Variants in SEC24A observed in about 807,000 individuals in gnomAD.
The protein encoded by SEC24A is SEC24 homolog A, COPII component.
Under a neutral mutation model 129.4 loss-of-function variants are expected in SEC24A, and 93 were observed. That is an observed-to-expected ratio of 0.72 (90% CI 0.61 to 0.85). The LOEUF is 0.85. SEC24A is among the 40% of genes least tolerant of loss of function. The pLI, the probability that SEC24A is intolerant of heterozygous loss-of-function variation, is 0.00. For synonymous variants in SEC24A, 460 were observed against 467.3 expected, an observed-to-expected ratio of 0.98 and a Z score of 0.20; for missense variants, 1,264 against 1,307.4, an observed-to-expected ratio of 0.97 and a Z score of 0.51.
rs1404842267 is a variant in SEC24A, at chr5:134,724,966, C to T, written c.3168-14C>T. 2 of 1,478,042 alleles carry T rather than the reference C, an allele frequency of 1.4e-6. No homozygotes were observed. Among genetic ancestry groups the T allele is most frequent in the African/African-American group, 1.4e-5 (1 of 71,938 alleles). 91.6% of individuals were successfully genotyped at this position (1,478,042 alleles called of 1,614,324 possible). ...CTACATTTTATCTAAATTTTTTTGC[C>T]TTTTATTCCTAAGGGATGAGAGTCC... On this transcript the variant is annotated splice_polypyrimidine_tract_variant and intron_variant, in intron 22 of 22. Transcript: ENST00000398844.
intron 1 of SEC24A, among the ~76,000 whole-genome samples, chr5:134,655,283 A>G (rs1244209654): frequency 6.6e-6 from 1 of 152,092 alleles, no homozygotes; most frequent in Non-Finnish European, 1.5e-5. Context: ...GGTGGGAAGC[A>G]CTCATCTGCA....
chr5:134,715,706 CAG>C (rs1278694373), intron 19 of SEC24A: 1 of 153,160 alleles, frequency 6.5e-6, no homozygotes, highest in African/African-American at 2.4e-5. Context: ...GACAAGGAGA[CAG>C]AGATCATTAG....
intron 7 of SEC24A, among the ~76,000 whole-genome samples, chr5:134,678,465 C>CT (rs918671352): frequency 2.5e-4 from 38 of 149,764 alleles, no homozygotes; most frequent in African/African-American, 7.1e-4. Context: ...TTTAAAAACT[C>CT]TTTTTTTTTG....
chr5:134,719,727 T>C (rs539322482), intron 20 of SEC24A, among the ~76,000 whole-genome samples: 1 of 151,960 alleles, frequency 6.6e-6, no homozygotes, highest in East Asian at 1.9e-4. Context: ...AGCCCACACC[T>C]GTAATCCCAG....
intron 1 of SEC24A, among the ~76,000 whole-genome samples, chr5:134,657,392 G>A (rs1011503358): frequency 1.3e-5 from 2 of 151,456 alleles, no homozygotes; most frequent in African/African-American, 4.9e-5. Context: ...GAATAAACAC[G>A]GCCATCCACC....
At chr5:134,701,183 A>G (rs570073106) in intron 15 of SEC24A, 4 of 152,338 alleles carry the variant, frequency 2.6e-5, no homozygotes, top group Admixed American at 2.0e-4. Flanking sequence ...AAAATATGGA[A>G]CACTTCACGA....
chr5:134,691,300 T>C (rs1751642151), intron 11 of SEC24A, among the ~76,000 whole-genome samples: 1 of 149,694 alleles, frequency 6.7e-6, no homozygotes, highest in Non-Finnish European at 1.5e-5. Flanking sequence ...GCCTCCCGAG[T>C]AGTTGGGCTT....
chr5:134,673,009 C>G (rs1750923902), intron 4 of SEC24A, among the ~76,000 whole-genome samples: 1 of 149,698 alleles, frequency 6.7e-6, no homozygotes, highest in Non-Finnish European at 1.5e-5. Context: ...CCCCGATTTG[C>G]TGGGATTACA....
At chr5:134,702,707 T>G (rs1752038507) in intron 15 of SEC24A, among the ~76,000 whole-genome samples, 2 of 152,210 alleles carry the variant, frequency 1.3e-5, no homozygotes, top group South Asian at 4.1e-4. Context: ...CTTCTGCCTA[T>G]TCTACCTAGT....
intron 3 of SEC24A, among the ~76,000 whole-genome samples, chr5:134,670,796 T>G (rs1191254718): frequency 6.6e-6 from 1 of 152,108 alleles, no homozygotes; most frequent in South Asian, 2.1e-4. Context: ...GAGACCATCC[T>G]GGCCAACATG....
chr5:134,693,161 C>T (rs978219537), intron 12 of SEC24A: 22 of 1,534,218 alleles, frequency 1.4e-5, no homozygotes, highest in South Asian at 9.5e-5. Flanking sequence ...GCATATATGC[C>T]GTAGGGGTAA....
At chr5:134,672,762 C>G (rs957599663) in intron 4 of SEC24A, among the ~76,000 whole-genome samples, 10 of 150,188 alleles carry the variant, frequency 6.7e-5, no homozygotes, top group Admixed American at 2.7e-4. Context: ...TTTTTTGAGA[C>G]AGGGTCTCTG....
At chr5:134,686,951 A>G (rs1751475689) in intron 10 of SEC24A, 49 bp downstream of exon 10, 30 of 1,009,662 alleles carry the variant, frequency 3.0e-5, no homozygotes, top group Non-Finnish European at 4.3e-5. Context: ...TATTTTCTAA[A>G]TGAATAAGTA....
rs1752131880 is a variant in SEC24A at position 134,705,407 on chromosome 5, C to G, written c.2521C>G (p.Gln841Glu). 1.9e-6 allele frequency: 3 copies of G among 1,612,602 alleles called. No homozygotes were observed. Among genetic ancestry groups the G allele is most frequent in the Non-Finnish European group, 1.7e-6 (2 of 1,179,094 alleles). Reference sequence around the variant, plus strand: ...TGATGTCTTTCTTGGAGCTGATGTTCAAGCAATTTCAGGGTTATTGGCCAA... The same window carrying G: ...TGATGTCTTTCTTGGAGCTGATGTTGAAGCAATTTCAGGGTTATTGGCCAA... The part of the protein sequence containing the change: ...LNDVFLGADV[Q>E]AISGLLANMA... The change falls in exon 17 of 23, where the codon CAA becomes GAA. Residue 841 changes from glutamine to glutamate, a missense_variant. By Grantham distance (29) the Gln-to-Glu change is conservative. Transcript: ENST00000398844.
intron 2 of SEC24A, among the ~76,000 whole-genome samples, chr5:134,663,375 A>C (rs1041770030): frequency 1.4e-4 from 21 of 152,126 alleles, no homozygotes; most frequent in African/African-American, 5.1e-4. Flanking sequence ...TGGATTTCCT[A>C]AAGTTCTGGG....
intron 18 of SEC24A, among the ~76,000 whole-genome samples, chr5:134,710,878 G>T (rs1456413312): frequency 6.6e-6 from 1 of 152,204 alleles, no homozygotes. Flanking sequence ...GCTCATGCCT[G>T]TAATCCCAAC....
chr5:134,693,696 A>T lies in SEC24A; in HGVS notation c.1780-31A>T, dbSNP rs758901821. ...AATGTGAAATAAAATTTTAATTATG[A>T]CACTTGAGTTTTCTTGCTTTGTTTT... is the stretch of plus-strand genomic sequence containing the variant. On this transcript the variant is annotated intron_variant, in intron 12 of 22. Coordinates refer to ENST00000398844, the MANE Select transcript of SEC24A (RefSeq NM_021982.3). 43 of 1,604,580 alleles carry T rather than the reference A, an allele frequency of 2.7e-5. No individual in the cohort carries two copies. The South Asian group carries it at 2.9e-4, about 11-fold the overall frequency.
chr5:134,720,384 ACT>A (rs1752596914), intron 20 of SEC24A, among the ~76,000 whole-genome samples: 2 of 151,970 alleles, frequency 1.3e-5, no homozygotes, highest in African/African-American at 4.8e-5. Context: ...GTGTAAATCC[ACT>A]CTATGATGTT....
chr5:134,711,156 AAAAT>A (rs1386574188), intron 18 of SEC24A, among the ~76,000 whole-genome samples: 2 of 151,962 alleles, frequency 1.3e-5, no homozygotes, highest in African/African-American at 4.8e-5. Flanking sequence ...AATTAAATAA[AAAAT>A]AAATAAATAA....
Sources: allele counts gnomAD v4.1 joint callset (sites outside exome capture counted in the v4.1 genomes callset), GRCh38; gene constraint gnomAD v4.1.1; transcripts MANE v1.5; gene names NCBI Gene and HGNC (gene_info 2026-07-23, HGNC 2026-07-21).